Variants in MCC observed in about 807,000 individuals in gnomAD.
MCC encodes the protein colorectal mutant cancer protein.
A neutral mutation model predicts 116.2 loss-of-function variants in MCC; 90 were observed. The observed-to-expected ratio is 0.77, with a 90% confidence interval of 0.65 to 0.92. The LOEUF is 0.92. Ranked by LOEUF, MCC falls within the 40% of genes least tolerant of loss-of-function variation. The pLI is 0.00. For synonymous variants in MCC, 578 were observed against 510.5 expected (o/e 1.13, Z -1.78); for missense variants, 1,516 against 1,312.2 (o/e 1.16, Z -2.40).
At chr5:113,307,976 T>G (rs112382643) in intron 3 of MCC, among the ~76,000 whole-genome samples, 3,139 of 148,134 alleles carry the variant, frequency 0.021, 35 homozygotes, top group Middle Eastern at 0.027. Flanking sequence ...TCTAAATCCT[T>G]TTTTTTTTTT....
rs73236475 is a variant in MCC, at chr5:113,420,841, G to T, written c.171-35629C>A. ...ACACTGACTTTTTTCCTGCTTAACT[G>T]CCTTTCCGGGGATATATCAGGCAGT... On this transcript the variant is annotated intron_variant, in intron 1 of 18. Coordinates refer to ENST00000408903, the MANE Select transcript of MCC (RefSeq NM_001085377.2). 4.5e-3 allele frequency among the ~76,000 whole-genome samples: 684 copies of T among 152,114 alleles called. 6 individuals are homozygous for T. The highest frequency in any genetic ancestry group is 0.015 in the African/African-American group (643 of 41,496).
chr5:113,110,517 C>T (rs1469314744), intron 6 of MCC, among the ~76,000 whole-genome samples: 3 of 152,230 alleles, frequency 2.0e-5, no homozygotes, highest in Non-Finnish European at 4.4e-5. Context: ...TCTCCTCAGC[C>T]AGTTTCACAC....
At chr5:113,105,937 T>C (rs1054033249) in intron 6 of MCC, among the ~76,000 whole-genome samples, 1 of 152,216 alleles carries the variant, frequency 6.6e-6, no homozygotes, top group Non-Finnish European at 1.5e-5. Context: ...ACCATGTCCC[T>C]GGGGAGCTTT....
At chr5:113,291,151 C>T (rs1766479739) in intron 3 of MCC, among the ~76,000 whole-genome samples, 1 of 152,210 alleles carries the variant, frequency 6.6e-6, no homozygotes, top group Non-Finnish European at 1.5e-5. Flanking sequence ...AAGGAACACA[C>T]TCATGAATTT....
At chr5:113,056,568 A>G (rs930335537) in intron 14 of MCC, among the ~76,000 whole-genome samples, 7 of 152,202 alleles carry the variant, frequency 4.6e-5, no homozygotes, top group Non-Finnish European at 8.8e-5. Context: ...CAATGGGCCT[A>G]CTTGAGGGTA....
At chr5:113,058,830 T>C (rs55955995) in intron 14 of MCC, among the ~76,000 whole-genome samples, 5,886 of 152,328 alleles carry the variant, frequency 0.039, 166 homozygotes, top group East Asian at 0.075. Flanking sequence ...GCACCTGTCC[T>C]GTGGGAGTAA....
rs76072532 is a variant in MCC, at chr5:113,098,141, T to C, written c.1398+3598A>G. Among the ~76,000 whole-genome samples the C allele has an allele frequency of 2.2e-3, 339 of 152,332 alleles. 2 individuals are homozygous for C. The highest frequency in any genetic ancestry group is 7.8e-3 in the African/African-American group (324 of 41,570). Reference sequence around the variant, plus strand: ...ACAGTTTCATGTGCCTGTGGTCATATCAAGTTTGCTTTGCCAAACACATTG... The same window carrying C: ...ACAGTTTCATGTGCCTGTGGTCATACCAAGTTTGCTTTGCCAAACACATTG... On this transcript the variant is annotated intron_variant, in intron 8 of 18. Transcript: ENST00000408903.
chr5:113,381,444 G>GAT (rs1287074811), intron 2 of MCC, among the ~76,000 whole-genome samples: 1 of 151,990 alleles, frequency 6.6e-6, no homozygotes, highest in African/African-American at 2.4e-5. Flanking sequence ...AAAGGGCAGG[G>GAT]ATATATATAA....
At chr5:113,367,197 T>C (rs944955381) in intron 2 of MCC, among the ~76,000 whole-genome samples, 4 of 152,002 alleles carry the variant, frequency 2.6e-5, no homozygotes, top group South Asian at 2.1e-4. Flanking sequence ...ATGTAAATAA[T>C]GAATATGCAA....
chr5:113,231,693 T>C (rs1442561931), intron 3 of MCC, among the ~76,000 whole-genome samples: 2 of 152,216 alleles, frequency 1.3e-5, no homozygotes, highest in African/African-American at 2.4e-5. Flanking sequence ...TTACAAGTCA[T>C]GTCTCTAAGA....
At chr5:113,367,764 G>C (rs928687412) in intron 2 of MCC, among the ~76,000 whole-genome samples, 20 of 152,052 alleles carry the variant, frequency 1.3e-4, no homozygotes, top group Admixed American at 2.6e-4. Flanking sequence ...GGGTATGCTG[G>C]CTGAGGGGTA....
intron 3 of MCC, among the ~76,000 whole-genome samples, chr5:113,157,585 T>A (rs1561411786): frequency 6.6e-6 from 1 of 152,180 alleles, no homozygotes; most frequent in South Asian, 2.1e-4. Flanking sequence ...GGAAGTGAGT[T>A]CATCTGGGGT....
At chr5:113,093,032 AC>A (rs1464531390) in intron 8 of MCC, among the ~76,000 whole-genome samples, 3 of 152,254 alleles carry the variant, frequency 2.0e-5, no homozygotes, top group Non-Finnish European at 4.4e-5. Context: ...AGATGTACAC[AC>A]AGCCATATGG....
chr5:113,198,052 T>C (rs914379293), intron 3 of MCC, among the ~76,000 whole-genome samples: 2 of 152,254 alleles, frequency 1.3e-5, no homozygotes, highest in Non-Finnish European at 2.9e-5. Context: ...TGAGCCTATA[T>C]AATTCAGTTA....
At chr5:113,403,121 A>G (rs762483454) in intron 1 of MCC, among the ~76,000 whole-genome samples, 13 of 152,160 alleles carry the variant, frequency 8.5e-5, no homozygotes, top group Non-Finnish European at 1.9e-4. Flanking sequence ...CACTCTGAGT[A>G]GCACTGTTCT....
intron 1 of MCC, among the ~76,000 whole-genome samples, chr5:113,459,482 G>A (rs1771685540): frequency 6.6e-6 from 1 of 150,940 alleles, no homozygotes; most frequent in Non-Finnish European, 1.5e-5. Context: ...AGCTTGCAGT[G>A]AGCCGAGATC....
intron 1 of MCC, among the ~76,000 whole-genome samples, chr5:113,398,468 C>T (rs10063452): frequency 0.44 from 67,449 of 151,992 alleles, 16,481 homozygotes; most frequent in African/African-American, 0.64. Context: ...AAAGAAAATG[C>T]ACATATATAC....
At chr5:113,233,690 G>A (rs1764023895) in intron 3 of MCC, among the ~76,000 whole-genome samples, 1 of 152,186 alleles carries the variant, frequency 6.6e-6, no homozygotes, top group Admixed American at 6.5e-5. Flanking sequence ...GCAACAGCAT[G>A]TCAGAAACAT....
chr5:113,370,152 G>A (rs138777754), intron 2 of MCC, among the ~76,000 whole-genome samples: 74 of 152,250 alleles, frequency 4.9e-4, no homozygotes, highest in African/African-American at 1.6e-3. Flanking sequence ...TACACAGTTG[G>A]CAATGGAGGG....
Sources: allele counts gnomAD v4.1 joint callset (sites outside exome capture counted in the v4.1 genomes callset), GRCh38; gene constraint gnomAD v4.1.1; transcripts MANE v1.5; gene names NCBI Gene and HGNC (gene_info 2026-07-23, HGNC 2026-07-21).